Variants in PLXDC1 observed in about 807,000 individuals in gnomAD.
The protein encoded by PLXDC1 is plexin domain containing 1, also known as plexin domain-containing protein 1.
A neutral mutation model predicts 61.3 loss-of-function variants in PLXDC1; 39 were observed. That is an observed-to-expected ratio of 0.64 (90% CI 0.49 to 0.83). The LOEUF (loss-of-function observed/expected upper bound fraction) is 0.83, where lower values mean the gene tolerates loss of function less well. Among genes scored for constraint, PLXDC1 ranks in the 40% least tolerant of loss-of-function variants. PLXDC1 has a pLI of 0.00. For synonymous variants in PLXDC1, 212 were observed against 254.5 expected, an observed-to-expected ratio of 0.83 and a Z score of 1.59; for missense variants, 596 against 666.5, an observed-to-expected ratio of 0.89 and a Z score of 1.17.
At chr17:39,148,812 C>T (rs1659590523) in intron 1 of PLXDC1, among the ~76,000 whole-genome samples, 2 of 152,140 alleles carry the variant, frequency 1.3e-5, no homozygotes, top group South Asian at 2.1e-4. Flanking sequence ...TATCCTCCCA[C>T]CTCAGCCTCC....
At chr17:39,118,078 C>CTCCT (rs1430779379) in intron 2 of PLXDC1, among the ~76,000 whole-genome samples, 3 of 107,902 alleles carry the variant, frequency 2.8e-5, no homozygotes, top group African/African-American at 7.1e-5. Flanking sequence ...CCCTCCCTCC[C>CTCCT]TCCCTCCCTT....
At chr17:39,138,344 A>T (rs1911821101) in intron 2 of PLXDC1, among the ~76,000 whole-genome samples, 1 of 152,206 alleles carries the variant, frequency 6.6e-6, no homozygotes, top group East Asian at 1.9e-4. Flanking sequence ...ATCCAGGAAG[A>T]GCCAAAATCA....
chr17:39,094,305 C>T (rs566660644), intron 7 of PLXDC1, among the ~76,000 whole-genome samples: 65 of 152,278 alleles, frequency 4.3e-4, no homozygotes, highest in African/African-American at 1.5e-3. Context: ...AGCACCAAAA[C>T]GCAATGGGAT....
At chr17:39,148,428 T>C (rs2045354551) in intron 1 of PLXDC1, among the ~76,000 whole-genome samples, 1 of 152,052 alleles carries the variant, frequency 6.6e-6, no homozygotes, top group South Asian at 2.1e-4. Flanking sequence ...TTGCCCAGGC[T>C]GGAGTGCAGT....
chr17:39,092,237 G>A (rs1909982620), intron 7 of PLXDC1, among the ~76,000 whole-genome samples: 1 of 151,700 alleles, frequency 6.6e-6, no homozygotes, highest in Non-Finnish European at 1.5e-5. Context: ...ATCATGCCTG[G>A]CTAATTTTTG....
chr17:39,140,025 C>T (rs1911884741), intron 1 of PLXDC1, among the ~76,000 whole-genome samples, 193 bp from the exon 2 acceptor site: 1 of 152,184 alleles, frequency 6.6e-6, no homozygotes, highest in African/African-American at 2.4e-5. Context: ...CCAAGCACTT[C>T]GCACATATCC....
chr17:39,085,505 G>A (rs528483876), intron 8 of PLXDC1, among the ~76,000 whole-genome samples: 1 of 152,258 alleles, frequency 6.6e-6, no homozygotes, highest in African/African-American at 2.4e-5. Context: ...GGAGAGAGTC[G>A]TGGAGCTGAC....
At chr17:39,101,113 C>T (rs537877757) in intron 7 of PLXDC1, among the ~76,000 whole-genome samples, 11 of 152,300 alleles carry the variant, frequency 7.2e-5, no homozygotes, top group Admixed American at 3.3e-4. Flanking sequence ...TTTCTGCTGT[C>T]GCCGCTTGTG....
intron 7 of PLXDC1, among the ~76,000 whole-genome samples, chr17:39,094,032 A>G (rs1039563354): frequency 2.0e-5 from 3 of 152,168 alleles, no homozygotes; most frequent in Admixed American, 6.5e-5. Flanking sequence ...TTGACACAAG[A>G]AAGACCCTTT....
At chr17:39,076,109 G>A (rs80181731) in intron 11 of PLXDC1, among the ~76,000 whole-genome samples, 69 of 132,022 alleles carry the variant, frequency 5.2e-4, no homozygotes, top group Middle Eastern at 4.1e-3. Context: ...AAAAAAGAAA[G>A]AAAAAAGAAA....
chr17:39,077,012 C>T (rs751488139), intron 11 of PLXDC1, among the ~76,000 whole-genome samples: 17 of 152,184 alleles, frequency 1.1e-4, no homozygotes, highest in Admixed American at 3.3e-4. Flanking sequence ...GAATTACAAG[C>T]GTGAGCCACC....
chr17:39,097,079 C>T (rs1779954052), intron 7 of PLXDC1: 2 of 456,206 alleles, frequency 4.4e-6, no homozygotes, highest in Admixed American at 4.8e-5. Flanking sequence ...CTCCCCATTG[C>T]ACCTCCCATC....
At chr17:39,139,504 C>T (rs150060391) in intron 2 of PLXDC1, 150 bp downstream of exon 2, 2 of 697,454 alleles carry the variant, frequency 2.9e-6, no homozygotes, top group South Asian at 2.1e-5. Flanking sequence ...TGCTTCCATC[C>T]CCTCCCCGGG....
At chr17:39,144,221 C>A (rs1422540201) in intron 1 of PLXDC1, among the ~76,000 whole-genome samples, 1 of 152,128 alleles carries the variant, frequency 6.6e-6, no homozygotes, top group Non-Finnish European at 1.5e-5. Context: ...AGTTATGGGA[C>A]CTTAGCCCCA....
At chr17:39,099,753 C>T (rs545291526) in intron 7 of PLXDC1, among the ~76,000 whole-genome samples, 2 of 152,244 alleles carry the variant, frequency 1.3e-5, no homozygotes, top group East Asian at 3.9e-4. Flanking sequence ...GACAAATGTA[C>T]AAACTCACAA....
At chr17:39,097,073 C>T (rs1354253471) in intron 7 of PLXDC1, 3 of 458,720 alleles carry the variant, frequency 6.5e-6, no homozygotes, top group Non-Finnish European at 9.2e-6. Flanking sequence ...GGAGTCCTCC[C>T]CATTGCACCT....
At chr17:39,068,745 T>G (rs925984686) in intron 13 of PLXDC1, among the ~76,000 whole-genome samples, 1 of 152,160 alleles carries the variant, frequency 6.6e-6, no homozygotes, top group Non-Finnish European at 1.5e-5. Flanking sequence ...GGCCCAGGGA[T>G]CTGCAGTTCC....
chr17:39,112,457 C>CTTTTT (rs11448360), intron 2 of PLXDC1, among the ~76,000 whole-genome samples: 50 of 121,072 alleles, frequency 4.1e-4, no homozygotes, highest in Middle Eastern at 4.4e-3. Context: ...TTTTTTCTTT[C>CTTTTT]TTTTTTTTTT....
intron 2 of PLXDC1, among the ~76,000 whole-genome samples, chr17:39,128,189 G>A (rs79837123): frequency 7.7e-6 from 1 of 129,372 alleles, no homozygotes; most frequent in Non-Finnish European, 1.6e-5. Flanking sequence ...ATATATGTGT[G>A]TATATATATG....
Sources: gnomAD v4.1 joint callset for allele counts (sites outside exome capture counted in the v4.1 genomes callset) on GRCh38, gnomAD v4.1.1 for gene constraint, MANE v1.5 for transcripts, NCBI Gene and HGNC (gene_info 2026-07-23, HGNC 2026-07-21) for gene names.